The following CYP2A13 variants were observed in gnomAD, a reference collection of about 807,000 sequenced individuals.
CYP2A13 encodes cytochrome P450 family 2 subfamily A member 13.
A neutral mutation model predicts 39.4 loss-of-function variants in CYP2A13; 30 were observed. That is an observed-to-expected ratio of 0.76 (90% CI 0.57 to 1.03). CYP2A13 has a LOEUF of 1.03. Among genes scored for constraint, CYP2A13 ranks in the 50% least tolerant of loss-of-function variants. The pLI, the probability that CYP2A13 is intolerant of heterozygous loss-of-function variation, is 0.00. For missense variants in CYP2A13, 731 were observed against 648.4 expected (o/e 1.13, Z -1.38); for synonymous variants, 269 against 254.7 (o/e 1.06, Z -0.54).
intron 5 of CYP2A13, among the ~76,000 whole-genome samples, chr19:41,092,313 A>T (rs1196436612): frequency 9.9e-5 from 3 of 30,306 alleles, no homozygotes; most frequent in East Asian, 8.7e-4. Flanking sequence ...AAGACCCTGT[A>T]AAAAAAAAAA....
intron 5 of CYP2A13, among the ~76,000 whole-genome samples, chr19:41,092,346 C>G (rs1375472810): frequency 7.1e-6 from 1 of 141,238 alleles, no homozygotes; most frequent in African/African-American, 2.6e-5. Context: ...AAAAAAAATC[C>G]TGACAATCCC....
intron 8 of CYP2A13, among the ~76,000 whole-genome samples, chr19:41,095,405 TG>T (rs887714073): frequency 1.3e-4 from 20 of 152,148 alleles, no homozygotes; most frequent in Non-Finnish European, 2.4e-4. Flanking sequence ...CAAGTGTATC[TG>T]GGGGGTAGGG....
intron 6 of CYP2A13, 91 bp downstream of exon 6, chr19:41,093,862 G>A: frequency 6.7e-7 from 1 of 1,484,366 alleles, no homozygotes; most frequent in Admixed American, 2.1e-5. Context: ...CCAGATCCCA[G>A]GACCCTGAGA....
At position 41,090,112 on chromosome 19, in the gene CYP2A13, G is replaced by T. The variant is rs1191709198; in HGVS notation, c.409G>T (p.Gly137Cys). ...GCGCTTCTCCATCGCCACCCTAAGG[G>T]GTTTTGGCGTGGGCAAGCGCGGCAT... ...LRRFSIATLR[G>C]FGVGKRGIEE... is the part of the protein sequence containing the mutation. The change falls in exon 3 of 9, where the codon GGT (glycine) becomes TGT (cysteine). Residue 137 changes from glycine to cysteine, a missense_variant. Transcript: ENST00000330436. 4 of 1,609,890 alleles carry T rather than the reference G, an allele frequency of 2.5e-6. No individual in the cohort carries two copies. The East Asian group carries it at 6.7e-5, about 27-fold the overall frequency.
Position 41,094,383 on chromosome 19 carries a change from C to CAACAAGGGT in CYP2A13, c.1112_1113insAACAAGGGT (p.Ala371_His372insThrArgVal). ...GGAGACATGCTCCCCATGGGTTTGG[C>CAACAAGGGT]CCACAGGGTCAACAAGGACACCAAG... On this transcript the variant is annotated inframe_insertion, in exon 7 of 9. Transcript: ENST00000330436. The CAACAAGGGT allele has an allele frequency of 6.2e-7, 1 of 1,614,034 alleles. No homozygotes were observed. The highest frequency in any genetic ancestry group is 2.2e-5 in the East Asian group (1 of 44,876).
Position 41,089,975 on chromosome 19 carries a change from C to G in CYP2A13, c.344-72C>G, listed in dbSNP as rs1599653646. On this transcript the variant is annotated intron_variant, in intron 2 of 8. Transcript: ENST00000330436. ...CCCTCTCTGCTCCACCCTTGGGGAGCCCCTTGGAGCTGGTCCGCTCCTGCT... is the reference window on the plus strand; with the variant it reads ...CCCTCTCTGCTCCACCCTTGGGGAGGCCCTTGGAGCTGGTCCGCTCCTGCT... 4.7e-6 allele frequency: 7 copies of G among 1,484,868 alleles called. No individual in the cohort carries two copies. In the East Asian group the frequency reaches 1.5e-4, roughly 31 times the overall value. 92.0% of individuals were successfully genotyped at this position (1,484,868 alleles called of 1,614,324 possible).
chr19:41,090,286 G>C lies in CYP2A13; in HGVS notation c.493+90G>C. 4 of 1,571,710 alleles carry C rather than the reference G, an allele frequency of 2.5e-6. No homozygotes were observed. In the South Asian group the frequency reaches 4.8e-5, roughly 19 times the overall value. On this transcript the variant is annotated intron_variant, in intron 3 of 8. Transcript: ENST00000330436. ...GTGGGGAAAGGGGCCCGCACTTCCA[G>C]CCCTGGAGTCTGGCGCTGGGATTCG...
In CYP2A13 at chr19:41,091,469, T is replaced by G. The variant is rs184157194; in HGVS notation, c.655-263T>G. On this transcript the variant is annotated intron_variant, in intron 4 of 8. Transcript: ENST00000330436. ...AATATCTGAACACCTAGATGTGTGC[T>G]CCAATCCAGCCTCATTTGCATACCT... Among the ~76,000 whole-genome samples, 868 of 152,264 alleles carry G rather than the reference T, an allele frequency of 5.7e-3. 15 individuals are homozygous for G. Among genetic ancestry groups the G allele is most frequent in the South Asian group, 0.046 (224 of 4,822 alleles).
rs200738334 is a variant in CYP2A13 at position 41,090,175 on chromosome 19, G to A, written c.472G>A (p.Asp158Asn). 19 of 1,584,548 alleles carry A rather than the reference G, an allele frequency of 1.2e-5. No individual in the cohort carries two copies. Among genetic ancestry groups the A allele is most frequent in the Non-Finnish European group, 1.5e-5 (17 of 1,164,466 alleles). Residue 158 changes from aspartate to asparagine, a missense_variant, in exon 3 of 9, where the codon GAC (aspartate) becomes AAC (asparagine). Coordinates refer to ENST00000330436, the MANE Select transcript of CYP2A13 (RefSeq NM_000766.5). ...RIQEEAGFLIDALRGTHGANI... is the reference protein window; with the variant it reads ...RIQEEAGFLINALRGTHGANI... Reference sequence around the variant, plus strand: ...CCAGGAGGAGGCGGGCTTCCTCATCGACGCCCTCCGGGGCACGCACGGTGA... The same window carrying A: ...CCAGGAGGAGGCGGGCTTCCTCATCAACGCCCTCCGGGGCACGCACGGTGA...
Position 41,089,056 on chromosome 19 carries a change from A to T in CYP2A13, c.308A>T (p.Glu103Val), listed in dbSNP as rs1166470597. ...GCTGAGGAGTTCAGCGGGCGAGGCG[A>T]GCAGGCCACCTTCGACTGGCTCTTC... ...DQAEEFSGRGEQATFDWLFKG... is the reference protein window; with the variant it reads ...DQAEEFSGRGVQATFDWLFKG... The change falls in exon 2 of 9, where the codon GAG (glutamate) becomes GTG (valine). Residue 103 changes from glutamate to valine, a missense_variant. Transcript: ENST00000330436. 3 of 1,612,876 alleles carry T rather than the reference A, an allele frequency of 1.9e-6. No homozygotes were observed. In the African/African-American group the frequency reaches 4.0e-5, roughly 22 times the overall value.
At chr19:41,089,172 T>C (rs1234136763) in intron 2 of CYP2A13, 81 bp downstream of exon 2, 6 of 1,587,676 alleles carry the variant, frequency 3.8e-6, no homozygotes, top group Non-Finnish European at 4.3e-6. Flanking sequence ...CTGACTCTCC[T>C]GCCCACTGGA....
At position 41,093,624 on chromosome 19, in the gene CYP2A13, C is replaced by G. The variant is rs951158194; in HGVS notation, c.832-6C>G. ...GAGCTTGGTCTAAACCGCCCTCTCC[C>G]TGCAGGAGGAGAAGAACCCCAACAC... On this transcript the variant is annotated splice_region_variant and splice_polypyrimidine_tract_variant and intron_variant, in intron 5 of 8. Transcript: ENST00000330436. 1 of 1,613,978 alleles carries G rather than the reference C, an allele frequency of 6.2e-7. No individual in the cohort carries two copies. The highest frequency in any genetic ancestry group is 8.5e-7 in the Non-Finnish European group (1 of 1,179,982).
At chr19:41,088,795 A>G in intron 1 of CYP2A13, 134 bp from the exon 2 acceptor site, 1 of 1,539,302 alleles carries the variant, frequency 6.5e-7, no homozygotes, top group Non-Finnish European at 8.8e-7. Context: ...AGCAGGAAAG[A>G]CAGGATCTTG....
intron 4 of CYP2A13, among the ~76,000 whole-genome samples, chr19:41,090,848 C>T (rs149880108): frequency 1.3e-5 from 2 of 152,322 alleles, no homozygotes; most frequent in African/African-American, 4.8e-5. Context: ...ATGTTCCCAT[C>T]CCCAACTTAC....
chr19:41,095,889 T>C lies in CYP2A13; in HGVS notation c.1433T>C (p.Val478Ala), dbSNP rs770438556. 4 of 1,613,706 alleles carry C rather than the reference T, an allele frequency of 2.5e-6. No homozygotes were observed. In the East Asian group the frequency reaches 8.9e-5, roughly 36 times the overall value. ...GATATCGACGTGTCCCCCAAACACG[T>C]GGGCTTTGCCACGATCCCACGAAAC... ...PKDIDVSPKH[V>A]GFATIPRNYT... is the part of the protein sequence containing the mutation. Residue 478 changes from valine to alanine, a missense_variant, in exon 9 of 9, where the codon GTG becomes GCG. Physicochemically the swap from Val to Ala is moderately conservative, Grantham distance 64 (BLOSUM62 0). Coordinates refer to ENST00000330436, the MANE Select transcript of CYP2A13 (RefSeq NM_000766.5).
chr19:41,090,667 T>A, intron 4 of CYP2A13, 103 bp downstream of exon 4: 9 of 1,561,936 alleles, frequency 5.8e-6, no homozygotes, highest in African/African-American at 1.4e-5. Flanking sequence ...CCAGACAGTG[T>A]CCCCTCAAAA....
In CYP2A13 at chr19:41,090,212, C is replaced by T. The variant is rs200559239; in HGVS notation, c.493+16C>T. On this transcript the variant is annotated intron_variant, in intron 3 of 8. Transcript: ENST00000330436. ...GGCACGCACGGTGAGTAGGGGACCCCGAGTGCGAGGGCGGGAACCCGCGCT... is the reference window on the plus strand; with the variant it reads ...GGCACGCACGGTGAGTAGGGGACCCTGAGTGCGAGGGCGGGAACCCGCGCT... The T allele has an allele frequency of 2.3e-5, 36 of 1,554,326 alleles. 1 individual carries two copies. In the South Asian group the frequency reaches 4.2e-4, roughly 18 times the overall value.
intron 5 of CYP2A13, 56 bp from the exon 6 acceptor site, chr19:41,093,574 G>A: frequency 6.2e-7 from 1 of 1,608,442 alleles, no homozygotes; most frequent in Non-Finnish European, 8.5e-7. Flanking sequence ...AAAAGCCCTA[G>A]AAGGGCCCCA....
chr19:41,089,912 G>A (rs565673304), intron 2 of CYP2A13, 135 bp from the exon 3 acceptor site: 283 of 990,452 alleles, frequency 2.9e-4, no homozygotes, highest in South Asian at 6.8e-4. Flanking sequence ...CAGCTCTCCT[G>A]GGCACTCGCG....
Sources: gnomAD v4.1 joint callset for allele counts (sites outside exome capture counted in the v4.1 genomes callset) on GRCh38, gnomAD v4.1.1 for gene constraint, MANE v1.5 for transcripts, NCBI Gene and HGNC (gene_info 2026-07-23, HGNC 2026-07-21) for gene names.